Variants in KTN1 observed in about 807,000 individuals in gnomAD.
KTN1 encodes the protein kinectin 1.
In KTN1, 130 loss-of-function variants were observed where a neutral mutation model predicts 222.5. The observed-to-expected ratio is 0.58, with a 90% CI of 0.51 to 0.68. The LOEUF is 0.68. Among genes scored for constraint, KTN1 ranks in the 30% least tolerant of loss-of-function variants. The pLI, the probability that KTN1 is intolerant of heterozygous loss-of-function variation, is 0.00. For missense variants in KTN1, 1,508 were observed against 1,500.4 expected (o/e 1.01, Z -0.08); for synonymous variants, 512 against 496.3 (o/e 1.03, Z -0.42).
At chr14:55,651,146 A>G (rs2141116086) in intron 24 of KTN1, 1 of 375,936 alleles carries the variant, frequency 2.7e-6, no homozygotes, top group African/African-American at 2.1e-5. Flanking sequence ...TTCATCTCAT[A>G]GATTCATTCA....
Position 55,636,529 on chromosome 14 carries a change from A to G in KTN1, c.1542A>G (p.Ala514=). 1 of 1,607,250 alleles carries G rather than the reference A, an allele frequency of 6.2e-7. No individual in the cohort carries two copies. The highest frequency in any genetic ancestry group is 8.5e-7 in the Non-Finnish European group (1 of 1,176,006). The change falls in exon 10 of 44, where the codon GCA becomes GCG. Residue 514 remains alanine (A), a synonymous_variant. Transcript: ENST00000395314. The part of the protein sequence containing the change: ...IRKRTAEHEA[A]QQDLQSKFVA... ...AGAGAACAGCGGAACATGAGGCAGCACAGCAAGGTAAGGGGAAGAAGTATT... is the reference window on the plus strand; with the variant it reads ...AGAGAACAGCGGAACATGAGGCAGCGCAGCAAGGTAAGGGGAAGAAGTATT...
intron 1 of KTN1, among the ~76,000 whole-genome samples, chr14:55,581,904 T>G (rs1267097538): frequency 6.6e-6 from 1 of 150,468 alleles, no homozygotes; most frequent in Non-Finnish European, 1.5e-5. Context: ...TTTTTTTTTT[T>G]CCTTTTTCCT....
At chr14:55,637,868 C>T (rs769885660) in intron 12 of KTN1, 21 bp downstream of exon 12, 3 of 1,579,984 alleles carry the variant, frequency 1.9e-6, no homozygotes, top group East Asian at 2.2e-5. Flanking sequence ...TTTCTTATTG[C>T]TTATGATTAA....
chr14:55,629,050 T>C (rs887476165), intron 6 of KTN1, among the ~76,000 whole-genome samples: 2 of 152,208 alleles, frequency 1.3e-5, no homozygotes, highest in African/African-American at 4.8e-5. Context: ...TTGGCTTTCA[T>C]GTACTTTGAT....
At chr14:55,634,715 G>A (rs185117981) in intron 9 of KTN1, 57 bp downstream of exon 9, 9 of 1,469,312 alleles carry the variant, frequency 6.1e-6, no homozygotes, top group African/African-American at 2.8e-5. Context: ...GTATTAGTTC[G>A]TTTTCATACT....
chr14:55,670,929 G>T (rs973311730), intron 35 of KTN1, 120 bp downstream of exon 35: 2 of 574,780 alleles, frequency 3.5e-6, no homozygotes, highest in Non-Finnish European at 6.0e-6. Flanking sequence ...TTGAGAAAGT[G>T]TAAGAAGGTG....
chr14:55,613,639 G>A (rs1203743762), intron 2 of KTN1, among the ~76,000 whole-genome samples: 2 of 151,742 alleles, frequency 1.3e-5, no homozygotes, highest in East Asian at 1.9e-4. Flanking sequence ...AATTATAGGC[G>A]TGTATTTTTA....
In KTN1 at chr14:55,644,054, C is replaced by A. The variant is rs368652312; in HGVS notation, c.2172+2294C>A. Among the ~76,000 whole-genome samples the A allele has an allele frequency of 4.3e-4, 65 of 152,230 alleles. No individual in the cohort carries two copies. The East Asian group carries it at 0.01, about 24-fold the overall frequency. On this transcript the variant is annotated intron_variant, in intron 18 of 43. Coordinates refer to ENST00000395314, the MANE Select transcript of KTN1 (RefSeq NM_001079521.2). ...GTAATTCTTAGAATTGTTCTTCTGA[C>A]TCTGAAAGCTTTTTATTAATAGTCT...
intron 18 of KTN1, among the ~76,000 whole-genome samples, chr14:55,643,961 G>T (rs2042045007): frequency 6.6e-6 from 1 of 152,062 alleles, no homozygotes; most frequent in African/African-American, 2.4e-5. Context: ...CACATTTTTT[G>T]ATTTATTTAA....
intron 2 of KTN1, among the ~76,000 whole-genome samples, chr14:55,612,977 A>T (rs2037810639): frequency 6.6e-6 from 1 of 152,314 alleles, no homozygotes; most frequent in Middle Eastern, 3.4e-3. Flanking sequence ...AGGACCTGTA[A>T]ATATCAGCAG....
chr14:55,603,062 A>G (rs2036216473), intron 1 of KTN1, among the ~76,000 whole-genome samples: 1 of 152,178 alleles, frequency 6.6e-6, no homozygotes, highest in Admixed American at 6.5e-5. Flanking sequence ...GCTACCATCT[A>G]AGGCCAGTCA....
intron 1 of KTN1, among the ~76,000 whole-genome samples, chr14:55,608,404 A>G (rs1260337775): frequency 6.6e-6 from 1 of 152,212 alleles, no homozygotes; most frequent in Non-Finnish European, 1.5e-5. Flanking sequence ...GACTGTCCCC[A>G]TGATTCTGGC....
At chr14:55,613,551 T>C (rs1427595367) in intron 2 of KTN1, among the ~76,000 whole-genome samples, 3 of 148,756 alleles carry the variant, frequency 2.0e-5, no homozygotes. Context: ...TGGAGTGCAG[T>C]GGTGCGATCT....
At chr14:55,630,287 A>T in intron 7 of KTN1, among the ~76,000 whole-genome samples, 190 bp downstream of exon 7, 1 of 152,192 alleles carries the variant, frequency 6.6e-6, no homozygotes, top group Non-Finnish European at 1.5e-5. Context: ...GATGCAGATA[A>T]ATATGATGAT....
At chr14:55,644,259 C>T (rs561842333) in intron 18 of KTN1, 4 of 534,430 alleles carry the variant, frequency 7.5e-6, no homozygotes, top group African/African-American at 5.7e-5. Context: ...CCTTTCTATC[C>T]CACAGTCAGA....
intron 29 of KTN1, 42 bp from the exon 30 acceptor site, chr14:55,658,504 A>G (rs1255155261): frequency 8.5e-7 from 1 of 1,171,064 alleles, no homozygotes; most frequent in Non-Finnish European, 1.3e-6. Context: ...TTATGTGGAA[A>G]AAATCTGTTT....
intron 2 of KTN1, among the ~76,000 whole-genome samples, 186 bp from the exon 3 acceptor site, chr14:55,616,331 G>C (rs1419588959): frequency 2.0e-5 from 3 of 152,124 alleles, no homozygotes; most frequent in Non-Finnish European, 4.4e-5. Flanking sequence ...GGGAAAGGAG[G>C]AGTAAGTACA....
intron 29 of KTN1, 30 bp downstream of exon 29, chr14:55,656,162 T>G (rs1026798929): frequency 7.2e-7 from 1 of 1,393,352 alleles, no homozygotes; most frequent in African/African-American, 1.5e-5. Context: ...ATTAATTATT[T>G]TGTAAATTAT....
chr14:55,643,412 G>A (rs1022069258), intron 18 of KTN1, among the ~76,000 whole-genome samples: 7 of 151,996 alleles, frequency 4.6e-5, no homozygotes, highest in Admixed American at 2.6e-4. Context: ...ATATAACATT[G>A]GTGACTTGGA....
Sources: allele counts gnomAD v4.1 joint callset (sites outside exome capture counted in the v4.1 genomes callset), GRCh38; gene constraint gnomAD v4.1.1; transcripts MANE v1.5; gene names NCBI Gene and HGNC (gene_info 2026-07-23, HGNC 2026-07-21).